Variants in SPRN observed in about 807,000 individuals in gnomAD.
The protein encoded by SPRN is hypothetical protein BC004409.
For missense variants in SPRN, 312 were observed against 241.4 expected (o/e 1.29, Z -1.94); for synonymous variants, 182 against 123.4 (o/e 1.48, Z -3.15).
Position 133,420,859 on chromosome 10 carries a change from C to A in SPRN, c.*2367G>T, listed in dbSNP as rs1408748101. ...GGCCGCCCGGCATGGGCAGTAGAGA[C>A]CCCTGGCCTCTGAGCACCTTCTAGC... On this transcript the variant is annotated 3_prime_UTR_variant, in exon 2 of 2. Coordinates refer to ENST00000685335, the MANE Select transcript of SPRN (RefSeq NM_001391974.1). 3 of 152,420 alleles carry A rather than the reference C, an allele frequency of 2.0e-5. No individual in the cohort carries two copies. Among genetic ancestry groups the A allele is most frequent in the Admixed American group, 6.5e-5 (1 of 15,294 alleles). The allele number at this position is 152,420 out of a possible 1,614,324, so 9.4% of individuals were successfully genotyped here.
In SPRN at chr10:133,423,304, G is replaced by C. The variant is rs754708254; in HGVS notation, c.378C>G (p.Gly126=). 16 of 1,521,588 alleles carry C rather than the reference G, an allele frequency of 1.1e-5. No individual in the cohort carries two copies. Among genetic ancestry groups the C allele is most frequent in the Admixed American group, 2.0e-5 (1 of 49,752 alleles). 94.3% of individuals were successfully genotyped at this position (1,521,588 alleles called of 1,614,324 possible). The change falls in exon 2 of 2, where the codon GGC becomes GGG. Residue 126 remains glycine (G), a synonymous_variant. Coordinates refer to ENST00000685335, the MANE Select transcript of SPRN (RefSeq NM_001391974.1). The stretch of plus-strand genomic sequence containing the variant: ...GACGCGGGCCGCGCGTGGGTCCAGC[G>C]CCCGAAGTCCACGCCCGGTAGCTGT... ...GIYSYRAWTS[G]AGPTRGPRLC...
rs150296896 is a variant in SPRN at position 133,422,135 on chromosome 10, T to G, written c.*1091A>C. 334 of 153,002 alleles carry G rather than the reference T, an allele frequency of 2.2e-3. 1 individual carries two copies. Among genetic ancestry groups the G allele is most frequent in the Non-Finnish European group, 4.1e-3 (284 of 68,448 alleles). 9.5% of individuals were successfully genotyped at this position (153,002 alleles called of 1,614,324 possible). ...CTCCTGTCCTTGGATGTTGGGGGGC[T>G]CAGCCTCTTGCATGGGTGTCCTGCT... On this transcript the variant is annotated 3_prime_UTR_variant, in exon 2 of 2. Transcript: ENST00000685335.
chr10:133,422,493 C>G lies in SPRN; in HGVS notation c.*733G>C, dbSNP rs1356413126. 1 of 152,324 alleles carries G rather than the reference C, an allele frequency of 6.6e-6. No individual in the cohort carries two copies. The highest frequency in any genetic ancestry group is 2.4e-5 in the African/African-American group (1 of 41,446). 9.4% of individuals were successfully genotyped at this position (152,324 alleles called of 1,614,324 possible). A position where few individuals can be genotyped will look rare whatever the true frequency, so the allele number is the denominator to read the frequency against. On this transcript the variant is annotated 3_prime_UTR_variant, in exon 2 of 2. Transcript: ENST00000685335. Reference sequence around the variant, plus strand: ...TGGTTTTTCCCCCCCAAAATGGGTCCTAAGGAGGGTAAAGTGACTTGTTTC... The same window carrying G: ...TGGTTTTTCCCCCCCAAAATGGGTCGTAAGGAGGGTAAAGTGACTTGTTTC...
Position 133,423,452 on chromosome 10 carries a change from GCCGCCGCCCCGGCTGCCGCC to G in SPRN, c.210_229del (p.Ala71GlyfsTer217), listed in dbSNP as rs1385878166. On this transcript the variant is annotated frameshift_variant, in exon 2 of 2. Coordinates refer to ENST00000685335, the MANE Select transcript of SPRN (RefSeq NM_001391974.1). LOFTEE classifies it low-confidence loss of function (END_TRUNC). ...CGCCGCCAGGCCCGCGGCCGCTCCC[GCCGCCGCCCCGGCTGCCGCC>G]CCGGCGGCAGCCACGCGCAGGGAGG... is the stretch of plus-strand genomic sequence containing the variant. 4.4e-5 allele frequency: 54 copies of G among 1,222,484 alleles called. No homozygotes were observed. Among genetic ancestry groups the G allele is most frequent in the Non-Finnish European group, 5.4e-5 (53 of 985,566 alleles). The allele number at this position is 1,222,484 out of a possible 1,614,324, so 75.7% of individuals were successfully genotyped here.
rs1309103455 is a variant in SPRN, at chr10:133,423,624, C to T, written c.58G>A (p.Asp20Asn). ...ALLLAAAFLC[D>N]SGAAKGGRGG... ...CGGCCGCCCTTGGCTGCGCCGCTGT[C>T]GCAGAGGAAGGCGGCCGCCAGTAGC... Residue 20 changes from aspartate (D) to asparagine (N), a missense_variant, in exon 2 of 2, where the codon GAC becomes AAC. Transcript: ENST00000685335. The T allele has an allele frequency of 1.2e-5, 19 of 1,565,322 alleles. No homozygotes were observed. The highest frequency in any genetic ancestry group is 1.6e-5 in the Non-Finnish European group (19 of 1,159,858).
At position 133,423,321 on chromosome 10, in the gene SPRN, G is replaced by C. The variant is rs1399980015; in HGVS notation, c.361C>G (p.Arg121Gly). Residue 121 changes from arginine (R) to glycine (G), a missense_variant, in exon 2 of 2, where the codon CGG (arginine) becomes GGG (glycine). Arg to Gly is a moderately radical substitution (Grantham distance 125). Coordinates refer to ENST00000685335, the MANE Select transcript of SPRN (RefSeq NM_001391974.1). ...GGTCCAGCGCCCGAAGTCCACGCCC[G>C]GTAGCTGTAGATGCCGGGGCCTGTC... ...NGTGPGIYSY[R>G]AWTSGAGPTR... The C allele has an allele frequency of 2.0e-6, 3 of 1,522,580 alleles. No individual in the cohort carries two copies. The highest frequency in any genetic ancestry group is 2.6e-6 in the Non-Finnish European group (3 of 1,140,366). 94.3% of individuals were successfully genotyped at this position (1,522,580 alleles called of 1,614,324 possible). A position where few individuals can be genotyped will look rare whatever the true frequency, so the allele number is the denominator to read the frequency against.
chr10:133,423,704 G>A lies in SPRN; in HGVS notation c.-16-7C>T, dbSNP rs770441693. On this transcript the variant is annotated splice_region_variant and splice_polypyrimidine_tract_variant and intron_variant, in intron 1 of 1. Transcript: ENST00000685335. ...CATCTTCGTGGGGCTAAACCTGCGG[G>A]AAGAGAGGGAAAGGGCCCTTAGTTT... 1.9e-6 allele frequency: 3 copies of A among 1,538,744 alleles called. No individual in the cohort carries two copies. Among genetic ancestry groups the A allele is most frequent in the African/African-American group, 1.4e-5 (1 of 72,770 alleles).
At position 133,423,044 on chromosome 10, in the gene SPRN, G is replaced by A; in HGVS notation, c.*182C>T. 2 of 622,436 alleles carry A rather than the reference G, an allele frequency of 3.2e-6. No individual in the cohort carries two copies. The highest frequency in any genetic ancestry group is 2.7e-6 in the Non-Finnish European group (1 of 374,400). The allele number at this position is 622,436 out of a possible 1,614,324, so 38.6% of individuals were successfully genotyped here. ...GCCCATGGTCTCCTCTAGGTGGGAGGTGGCAGGCTGAGGCGGCGTGGGCAG... is the reference window on the plus strand; with the variant it reads ...GCCCATGGTCTCCTCTAGGTGGGAGATGGCAGGCTGAGGCGGCGTGGGCAG... On this transcript the variant is annotated 3_prime_UTR_variant, in exon 2 of 2. Coordinates refer to ENST00000685335, the MANE Select transcript of SPRN (RefSeq NM_001391974.1).
chr10:133,423,619 G>T lies in SPRN; in HGVS notation c.63C>A (p.Ser21Arg). 1 of 1,555,276 alleles carries T rather than the reference G, an allele frequency of 6.4e-7. No individual in the cohort carries two copies. Among genetic ancestry groups the T allele is most frequent in the Non-Finnish European group, 8.7e-7 (1 of 1,154,996 alleles). ...CTCCGCGGCCGCCCTTGGCTGCGCC[G>T]CTGTCGCAGAGGAAGGCGGCCGCCA... ...LLLAAAFLCDSGAAKGGRGGA... is the reference protein window; with the variant it reads ...LLLAAAFLCDRGAAKGGRGGA... Residue 21 changes from serine to arginine, a missense_variant, in exon 2 of 2, where the codon AGC (serine) becomes AGA (arginine). Physicochemically the swap from Ser to Arg is moderately radical, Grantham distance 110 (BLOSUM62 -1). Transcript: ENST00000685335.
At chr10:133,424,160 C>T (rs1198821883) in intron 1 of SPRN, among the ~76,000 whole-genome samples, 1,652 of 131,688 alleles carry the variant, frequency 0.013, no homozygotes, top group East Asian at 0.081. Flanking sequence ...GGGGACGGGC[C>T]GTGCCTGGGC....
Position 133,421,344 on chromosome 10 carries a change from C to T in SPRN, c.*1882G>A, listed in dbSNP as rs2297033. The T allele has an allele frequency of 0.23, 34,893 of 153,306 alleles. 4,202 individuals carry two copies. Among genetic ancestry groups the T allele is most frequent in the East Asian group, 0.34 (1,742 of 5,180 alleles). The allele number at this position is 153,306 out of a possible 1,614,324, so 9.5% of individuals were successfully genotyped here. A position where few individuals can be genotyped will look rare whatever the true frequency, so the allele number is the denominator to read the frequency against. ...CACGAAGTGTCCATCATAACTGGAACATTCCATCAGCTTGCAGTGCTGTGG... is the reference window on the plus strand; with the variant it reads ...CACGAAGTGTCCATCATAACTGGAATATTCCATCAGCTTGCAGTGCTGTGG... On this transcript the variant is annotated 3_prime_UTR_variant, in exon 2 of 2. Transcript: ENST00000685335.
rs376232550 is a variant in SPRN, at chr10:133,423,598, G to A, written c.84C>T (p.Arg28=). 620 of 1,503,360 alleles carry A rather than the reference G, an allele frequency of 4.1e-4. 2 individuals are homozygous for A. In the African/African-American group the frequency reaches 8.0e-3, roughly 19 times the overall value. The allele number at this position is 1,503,360 out of a possible 1,614,324, so 93.1% of individuals were successfully genotyped here. A position where few individuals can be genotyped will look rare whatever the true frequency, so the allele number is the denominator to read the frequency against. Residue 28 remains arginine (R), a synonymous_variant, in exon 2 of 2, where the codon CGC becomes CGT. Transcript: ENST00000685335. ...LCDSGAAKGG[R]GGARGSARGG... ...CCCGGGCACTGCCCCGCGCACCTCC[G>A]CGGCCGCCCTTGGCTGCGCCGCTGT...
rs1850296955 is a variant in SPRN, at chr10:133,423,453, C to T, written c.229G>A (p.Ala77Thr). 2.5e-6 allele frequency: 3 copies of T among 1,214,246 alleles called. No individual in the cohort carries two copies. Among genetic ancestry groups the T allele is most frequent in the South Asian group, 3.8e-5 (1 of 26,454 alleles). 75.2% of individuals were successfully genotyped at this position (1,214,246 alleles called of 1,614,324 possible). The change falls in exon 2 of 2, where the codon GCG (alanine) becomes ACG (threonine). Residue 77 changes from alanine (A) to threonine (T), a missense_variant. Transcript: ENST00000685335. Reference sequence around the variant, plus strand: ...GCCGCCAGGCCCGCGGCCGCTCCCGCCGCCGCCCCGGCTGCCGCCCCGGCG... The same window carrying T: ...GCCGCCAGGCCCGCGGCCGCTCCCGTCGCCGCCCCGGCTGCCGCCCCGGCG... ...AAAGAAAGAA[A>T]GAAAGLAAGS...
Position 133,423,220 on chromosome 10 carries a change from C to T in SPRN, c.*6G>A. Reference sequence around the variant, plus strand: ...GGCCAGATGTGGTCCCCGAGCCCAGCCAGGCCTAGGGCCGCAGCAGCCCCA... The same window carrying T: ...GGCCAGATGTGGTCCCCGAGCCCAGTCAGGCCTAGGGCCGCAGCAGCCCCA... On this transcript the variant is annotated 3_prime_UTR_variant, in exon 2 of 2. Coordinates refer to ENST00000685335, the MANE Select transcript of SPRN (RefSeq NM_001391974.1). 1 of 1,420,322 alleles carries T rather than the reference C, an allele frequency of 7.0e-7. No homozygotes were observed. Among genetic ancestry groups the T allele is most frequent in the Non-Finnish European group, 9.2e-7 (1 of 1,086,038 alleles). The allele number at this position is 1,420,322 out of a possible 1,614,324, so 88.0% of individuals were successfully genotyped here.
rs755980014 is a variant in SPRN at position 133,423,288 on chromosome 10, C to T, written c.394G>A (p.Gly132Ser). The T allele has an allele frequency of 8.6e-6, 13 of 1,517,518 alleles. No homozygotes were observed. Among genetic ancestry groups the T allele is most frequent in the Admixed American group, 2.0e-5 (1 of 49,406 alleles). The allele number at this position is 1,517,518 out of a possible 1,614,324, so 94.0% of individuals were successfully genotyped here. A position where few individuals can be genotyped will look rare whatever the true frequency, so the allele number is the denominator to read the frequency against. Residue 132 changes from glycine to serine, a missense_variant, in exon 2 of 2, where the codon GGC (glycine) becomes AGC (serine). Gly to Ser is a moderately conservative substitution (Grantham distance 56). Transcript: ENST00000685335. Reference sequence around the variant, plus strand: ...CCCAGCACGAGACAGAGACGCGGGCCGCGCGTGGGTCCAGCGCCCGAAGTC... The same window carrying T: ...CCCAGCACGAGACAGAGACGCGGGCTGCGCGTGGGTCCAGCGCCCGAAGTC... ...AWTSGAGPTRGPRLCLVLGGA... is the reference protein window; with the variant it reads ...AWTSGAGPTRSPRLCLVLGGA...
intron 1 of SPRN, among the ~76,000 whole-genome samples, chr10:133,423,981 G>T (rs1353877868): frequency 2.8e-5 from 1 of 36,172 alleles, no homozygotes; most frequent in Non-Finnish European, 1.3e-4. Flanking sequence ...GGAGCGTTCA[G>T]GCCTCTGGGG....
rs774841880 is a variant in SPRN at position 133,423,431 on chromosome 10, G to C, written c.251C>G (p.Ala84Gly). ...GGCCCTTCTCCAGCCCGAGCCCGCC[G>C]CCAGGCCCGCGGCCGCTCCCGCCGC... ...GAAAGAAAGL[A>G]AGSGWRRAAG... The change falls in exon 2 of 2, where the codon GCG becomes GGG. Residue 84 changes from alanine to glycine, a missense_variant. Transcript: ENST00000685335. 2 of 1,327,718 alleles carry C rather than the reference G, an allele frequency of 1.5e-6. No individual in the cohort carries two copies. Among genetic ancestry groups the C allele is most frequent in the Admixed American group, 6.2e-5 (2 of 32,130 alleles). The allele number at this position is 1,327,718 out of a possible 1,614,324, so 82.2% of individuals were successfully genotyped here. A position where few individuals can be genotyped will look rare whatever the true frequency, so the allele number is the denominator to read the frequency against.
At position 133,423,078 on chromosome 10, in the gene SPRN, A is replaced by G; in HGVS notation, c.*148T>C. On this transcript the variant is annotated 3_prime_UTR_variant, in exon 2 of 2. Transcript: ENST00000685335. Reference sequence around the variant, plus strand: ...TGAGGCGGCGTGGGCAGGACGGTGGATGGCGGGTCCACAGGGACAGCCAGC... The same window carrying G: ...TGAGGCGGCGTGGGCAGGACGGTGGGTGGCGGGTCCACAGGGACAGCCAGC... 1 of 851,426 alleles carries G rather than the reference A, an allele frequency of 1.2e-6. No individual in the cohort carries two copies. Among genetic ancestry groups the G allele is most frequent in the Non-Finnish European group, 1.8e-6 (1 of 568,842 alleles). 52.7% of individuals were successfully genotyped at this position (851,426 alleles called of 1,614,324 possible). A position where few individuals can be genotyped will look rare whatever the true frequency, so the allele number is the denominator to read the frequency against.
Position 133,423,363 on chromosome 10 carries a change from C to G in SPRN, c.319G>C (p.Val107Leu). 5 of 1,512,646 alleles carry G rather than the reference C, an allele frequency of 3.3e-6. No individual in the cohort carries two copies. The highest frequency in any genetic ancestry group is 2.5e-5 in the South Asian group (2 of 81,384). 93.7% of individuals were successfully genotyped at this position (1,512,646 alleles called of 1,614,324 possible). Residue 107 changes from valine (V) to leucine (L), a missense_variant, in exon 2 of 2, where the codon GTG (valine) becomes CTG (leucine). By Grantham distance (32) the Val-to-Leu change is conservative (BLOSUM62 1). Coordinates refer to ENST00000685335, the MANE Select transcript of SPRN (RefSeq NM_001391974.1). ...GGGCCTGTCCCGTTGCCTCCGGGCA[C>G]CCCGTCCTCCTCGTCCTCCAGGCCG... Reference protein sequence around the residue: ...ERGLEDEEDGVPGGNGTGPGI... With the variant: ...ERGLEDEEDGLPGGNGTGPGI...
Sources: gnomAD v4.1 joint callset for allele counts (sites outside exome capture counted in the v4.1 genomes callset) on GRCh38, gnomAD v4.1.1 for gene constraint, MANE v1.5 for transcripts, NCBI Gene and HGNC (gene_info 2026-07-23, HGNC 2026-07-21) for gene names.